SSPN: variants seen among roughly 807,000 people sequenced by gnomAD.
SSPN encodes sarcospan.
In SSPN, 15 loss-of-function variants were observed where a neutral mutation model predicts 19.1. The observed-to-expected ratio is 0.78, with a 90% CI of 0.52 to 1.21. SSPN has a LOEUF of 1.21. Among genes scored for constraint, SSPN ranks in the 50% most tolerant of loss-of-function variants. The pLI, the probability that SSPN is intolerant of heterozygous loss-of-function variation, is 0.00. For missense variants in SSPN, 291 were observed against 314.0 expected (o/e 0.93, Z 0.55); for synonymous variants, 147 against 140.3 (o/e 1.05, Z -0.34).
At chr12:26,175,871 C>G (rs1480993537) in intron 1 of SSPN, among the ~76,000 whole-genome samples, 2 of 148,196 alleles carry the variant, frequency 1.3e-5, no homozygotes, top group African/African-American at 5.0e-5. Context: ...AAGTTTTGCT[C>G]TGTCACCCAG....
At chr12:26,209,284 A>G (rs1451623696) in intron 1 of SSPN, among the ~76,000 whole-genome samples, 1 of 152,028 alleles carries the variant, frequency 6.6e-6, no homozygotes, top group Admixed American at 6.6e-5. Context: ...ATTTGATTAG[A>G]CTTATTTTGT....
intron 1 of SSPN, among the ~76,000 whole-genome samples, chr12:26,222,620 T>C (rs986525534): frequency 1.3e-5 from 2 of 152,248 alleles, no homozygotes; most frequent in South Asian, 2.1e-4. Flanking sequence ...TGCAATTCTG[T>C]TGCTTATGTT....
intron 1 of SSPN, among the ~76,000 whole-genome samples, chr12:26,159,335 A>G (rs757277074): frequency 6.6e-6 from 1 of 152,236 alleles, no homozygotes; most frequent in Non-Finnish European, 1.5e-5. Flanking sequence ...AATACCCTAG[A>G]AACAATGGTG....
intron 1 of SSPN, among the ~76,000 whole-genome samples, chr12:26,164,613 C>T (rs1307726399): frequency 1.3e-5 from 2 of 152,180 alleles, no homozygotes; most frequent in East Asian, 3.8e-4. Flanking sequence ...ATTCCAGTGA[C>T]ATTTTTATTA....
chr12:26,195,782 A>C lies in SSPN; in HGVS notation c.110A>C (p.Lys37Thr), dbSNP rs768448896. 2 of 1,519,252 alleles carry C rather than the reference A, an allele frequency of 1.3e-6. No homozygotes were observed. Among genetic ancestry groups the C allele is most frequent in the Non-Finnish European group, 8.8e-7 (1 of 1,136,614 alleles). The allele number at this position is 1,519,252 out of a possible 1,614,324, so 94.1% of individuals were successfully genotyped here. Residue 37 changes from lysine (K) to threonine (T), a missense_variant, in exon 1 of 3, where the codon AAG becomes ACG. By Grantham distance (78) the Lys-to-Thr change is moderately conservative (BLOSUM62 -1). Around this residue, in one of 3 missense-constraint regions of SSPN, gnomAD observed 139 missense variants for 119.6 expected, o/e 1.16. Coordinates refer to ENST00000242729, the MANE Select transcript of SSPN (RefSeq NM_005086.5). ...MEPKKGTGAP[K>T]ECGEEEPRTC... ...CCGAAGAAGGGCACGGGGGCCCCCA[A>C]GGAGTGCGGGGAGGAGGAGCCCCGG...
chr12:26,179,278 G>A (rs1263336744), intron 1 of SSPN, among the ~76,000 whole-genome samples: 1 of 152,214 alleles, frequency 6.6e-6, no homozygotes, highest in Non-Finnish European at 1.5e-5. Context: ...TGGCTGGACA[G>A]GAGAAGGTGA....
intron 1 of SSPN, among the ~76,000 whole-genome samples, chr12:26,126,963 C>G (rs1400506064): frequency 6.6e-6 from 1 of 152,052 alleles, no homozygotes; most frequent in Non-Finnish European, 1.5e-5. Flanking sequence ...TAATTAAGAC[C>G]CTTCGATGGG....
intron 1 of SSPN, among the ~76,000 whole-genome samples, chr12:26,133,095 G>GA (rs1944405461): frequency 6.6e-6 from 1 of 152,144 alleles, no homozygotes; most frequent in Admixed American, 6.5e-5. Flanking sequence ...TTCACATCCT[G>GA]AAAAGGACAA....
chr12:26,122,445 G>A (rs1460815125), intron 1 of SSPN: 1 of 1,357,338 alleles, frequency 7.4e-7, no homozygotes, highest in Non-Finnish European at 9.6e-7. Context: ...GGCAGCTGCA[G>A]AAGGCGAGAG....
intron 1 of SSPN, among the ~76,000 whole-genome samples, chr12:26,160,769 T>C (rs1600517): frequency 0.98 from 148,626 of 152,228 alleles, 72,649 homozygotes; most frequent in East Asian, 1. Flanking sequence ...CCCTCTTTCC[T>C]TCTTCAGCCT....
At chr12:26,162,060 G>A (rs1263354485) in intron 1 of SSPN, among the ~76,000 whole-genome samples, 1 of 152,110 alleles carries the variant, frequency 6.6e-6, no homozygotes, top group African/African-American at 2.4e-5. Context: ...GAATGAGGAA[G>A]TGAATAAATG....
At chr12:26,148,914 A>C (rs1050461864) in intron 1 of SSPN, among the ~76,000 whole-genome samples, 1 of 151,820 alleles carries the variant, frequency 6.6e-6, no homozygotes, top group Non-Finnish European at 1.5e-5. Context: ...GCCTCCCCCA[A>C]CCTCCCCACG....
At chr12:26,226,995 G>T (rs1266232742) in intron 2 of SSPN, among the ~76,000 whole-genome samples, 1 of 152,070 alleles carries the variant, frequency 6.6e-6, no homozygotes, top group East Asian at 1.9e-4. Context: ...CGGGGCCACC[G>T]CGCCTCCGCC....
At chr12:26,170,388 T>A (rs193225156) in intron 1 of SSPN, among the ~76,000 whole-genome samples, 1 of 152,346 alleles carries the variant, frequency 6.6e-6, no homozygotes, top group Admixed American at 6.5e-5. Flanking sequence ...TTAATTCCGA[T>A]GGCTCTAAGT....
intron 1 of SSPN, among the ~76,000 whole-genome samples, chr12:26,171,618 T>A (rs934010708): frequency 3.0e-5 from 3 of 101,668 alleles, no homozygotes; most frequent in African/African-American, 1.8e-4. Flanking sequence ...TGCCCCTGTT[T>A]TCCCTATTTT....
intron 1 of SSPN, among the ~76,000 whole-genome samples, chr12:26,127,819 C>G (rs1944375492): frequency 6.6e-6 from 1 of 152,132 alleles, no homozygotes; most frequent in African/African-American, 2.4e-5. Flanking sequence ...CATTCCTGTT[C>G]TTTCTCAAAC....
intron 1 of SSPN, among the ~76,000 whole-genome samples, chr12:26,215,645 C>T (rs1330395982): frequency 1.3e-5 from 2 of 152,340 alleles, no homozygotes; most frequent in African/African-American, 4.8e-5. Flanking sequence ...TTTACCATCA[C>T]ACCACTGGAG....
chr12:26,151,159 T>G (rs1249691505), intron 1 of SSPN, among the ~76,000 whole-genome samples: 1 of 148,802 alleles, frequency 6.7e-6, no homozygotes, highest in Non-Finnish European at 1.5e-5. Flanking sequence ...AGAGAACTCT[T>G]GAGTGCCCTG....
chr12:26,193,825 C>A (rs1184094836), upstream of SSPN, among the ~76,000 whole-genome samples: 2 of 152,138 alleles, frequency 1.3e-5, no homozygotes, highest in African/African-American at 4.8e-5. Flanking sequence ...TTCCCTGAAC[C>A]ATTATTTTTC....
Sources: allele counts gnomAD v4.1 joint callset (sites outside exome capture counted in the v4.1 genomes callset), GRCh38; gene constraint gnomAD v4.1.1; regional missense constraint gnomAD v4.1.1; transcripts MANE v1.5; gene names NCBI Gene and HGNC (gene_info 2026-07-23, HGNC 2026-07-21).